Variants in REDIC1 observed in about 807,000 individuals in gnomAD.
REDIC1 encodes HEI10 Interacting Protein 1.
the REDIC1 span, among the ~76,000 whole-genome samples, chr12:39,867,720 G>T: frequency 6.6e-6 from 1 of 152,038 alleles, no homozygotes; most frequent in African/African-American, 2.4e-5. Flanking sequence ...TATTTTAAAA[G>T]CCAGCATTAT....
At chr12:39,805,381 G>A in the REDIC1 span, among the ~76,000 whole-genome samples, 1 of 152,118 alleles carries the variant, frequency 6.6e-6, no homozygotes, top group Non-Finnish European at 1.5e-5. Context: ...GGGGTGGCTG[G>A]AGCAGGTGTA....
chr12:39,646,327 A>G, the REDIC1 span: 2 of 1,087,194 alleles, frequency 1.8e-6, no homozygotes, highest in South Asian at 5.5e-5. Context: ...TTTTTATTAT[A>G]GAAACTGTGA....
chr12:39,865,421 C>T, the REDIC1 span, among the ~76,000 whole-genome samples: 1 of 152,138 alleles, frequency 6.6e-6, no homozygotes, highest in African/African-American at 2.4e-5. Context: ...TTTTTGAAGA[C>T]TTTAAAGTAC....
At chr12:39,680,767 C>T in the REDIC1 span, among the ~76,000 whole-genome samples, 1,138 of 62,422 alleles carry the variant, frequency 0.018, 10 homozygotes, top group East Asian at 0.059. Flanking sequence ...AAAATACATA[C>T]GCACACACAC....
At chr12:39,789,712 CTTTT>C in the REDIC1 span, among the ~76,000 whole-genome samples, 2 of 152,210 alleles carry the variant, frequency 1.3e-5, no homozygotes, top group South Asian at 4.2e-4. Context: ...GCCAACATTT[CTTTT>C]TTAAGTATCC....
the REDIC1 span, chr12:39,716,798 C>T: frequency 1.2e-6 from 2 of 1,601,770 alleles, no homozygotes; most frequent in African/African-American, 2.7e-5. Context: ...AGTTACTCTC[C>T]AAGACCAACA....
the REDIC1 span, among the ~76,000 whole-genome samples, chr12:39,864,125 T>C: frequency 6.6e-6 from 1 of 152,206 alleles, no homozygotes; most frequent in Admixed American, 6.5e-5. Flanking sequence ...TTCATTTATG[T>C]GTTCTCAGTC....
the REDIC1 span, among the ~76,000 whole-genome samples, chr12:39,824,517 T>C: frequency 6.6e-6 from 1 of 152,176 alleles, no homozygotes; most frequent in African/African-American, 2.4e-5. Flanking sequence ...TACCAGGTCT[T>C]TCATTCATAA....
the REDIC1 span, among the ~76,000 whole-genome samples, chr12:39,735,599 A>T: frequency 2.0e-5 from 3 of 152,246 alleles, no homozygotes; most frequent in African/African-American, 7.2e-5. Context: ...ATGGCAAATG[A>T]TGCTAAAATT....
chr12:39,679,247 C>A, the REDIC1 span, among the ~76,000 whole-genome samples: 1 of 152,062 alleles, frequency 6.6e-6, no homozygotes, highest in Non-Finnish European at 1.5e-5. Context: ...TAATAGTATA[C>A]CTGGAAAACC....
chr12:39,646,698 A>G, the REDIC1 span: 2 of 580,118 alleles, frequency 3.4e-6, no homozygotes, highest in Non-Finnish European at 5.6e-6. Context: ...ATTTTTATAA[A>G]ACTTAGTAAT....
At chr12:39,880,421 T>C in the REDIC1 span, among the ~76,000 whole-genome samples, 1 of 152,212 alleles carries the variant, frequency 6.6e-6, no homozygotes, top group Non-Finnish European at 1.5e-5. Context: ...TTGTACATTA[T>C]AACATGCAAG....
At chr12:39,695,937 G>T in the REDIC1 span, among the ~76,000 whole-genome samples, 2 of 152,286 alleles carry the variant, frequency 1.3e-5, no homozygotes, top group East Asian at 3.9e-4. Context: ...GAAAGTAAGG[G>T]CAGTGACAAG....
chr12:39,798,421 A>G, the REDIC1 span, among the ~76,000 whole-genome samples: 8 of 152,258 alleles, frequency 5.3e-5, no homozygotes, highest in South Asian at 2.1e-4. Flanking sequence ...GGAATATTAA[A>G]TGAAGATCAA....
At chr12:39,719,094 C>G in the REDIC1 span, among the ~76,000 whole-genome samples, 1 of 151,950 alleles carries the variant, frequency 6.6e-6, no homozygotes, top group Admixed American at 6.6e-5. Flanking sequence ...AAGAACTGTA[C>G]GTAGATTTAG....
the REDIC1 span, among the ~76,000 whole-genome samples, chr12:39,784,287 A>T: frequency 6.6e-6 from 1 of 152,214 alleles, no homozygotes; most frequent in East Asian, 1.9e-4. Context: ...AGCCAAAAGA[A>T]CAAAGCTGGA....
At chr12:39,683,299 T>A in the REDIC1 span, 8 of 1,101,448 alleles carry the variant, frequency 7.3e-6, no homozygotes, top group Non-Finnish European at 9.2e-6. Context: ...TCCTATTATA[T>A]AACATTGTGG....
chr12:39,769,035 A>C, the REDIC1 span, among the ~76,000 whole-genome samples: 2 of 152,046 alleles, frequency 1.3e-5, no homozygotes, highest in African/African-American at 2.4e-5. Flanking sequence ...GTGGCTTATT[A>C]ACTTCTTTCA....
the REDIC1 span, among the ~76,000 whole-genome samples, chr12:39,690,243 C>T: frequency 6.6e-6 from 1 of 152,142 alleles, no homozygotes; most frequent in Non-Finnish European, 1.5e-5. Context: ...GAACAAGCCT[C>T]TTGGATGGGG....
Sources: gnomAD v4.1 joint callset for allele counts (sites outside exome capture counted in the v4.1 genomes callset) on GRCh38, gnomAD v4.1.1 for gene constraint, MANE v1.5 for transcripts, NCBI Gene and HGNC (gene_info 2026-07-23, HGNC 2026-07-21) for gene names.